INPP5A: variants seen among roughly 807,000 people sequenced by gnomAD.
INPP5A encodes inositol polyphosphate-5-phosphatase A.
In INPP5A, 14 loss-of-function variants were observed where a neutral mutation model predicts 65.2. The observed-to-expected ratio is 0.21, with a 90% CI of 0.14 to 0.34. The LOEUF (loss-of-function observed/expected upper bound fraction) is 0.34, where lower values mean the gene tolerates loss of function less well. Among genes scored for constraint, INPP5A ranks in the 10% least tolerant of loss-of-function variants. The probability of loss-of-function intolerance (pLI) is 1.00; values close to 1 mark genes in which losing one functional copy is unlikely to be tolerated. For synonymous variants in INPP5A, 207 were observed against 208.3 expected (o/e 0.99, Z 0.05); for missense variants, 431 against 545.6 (o/e 0.79, Z 2.09).
chr10:132,644,577 C>T lies in INPP5A; in HGVS notation c.118-1291C>T, dbSNP rs1455870743. On this transcript the variant is annotated intron_variant, in intron 2 of 15. Transcript: ENST00000368594. This position sits in a 1 kb window ranked among gnomAD's most constrained non-coding sequence, Gnocchi z 6.5. ...ACCTGGCTCACAGTGAGTGCCGTGT[C>T]GTCGTGAGCACCTCCAGGCTCCCAA... is the stretch of plus-strand genomic sequence containing the variant. Among the ~76,000 whole-genome samples the T allele has an allele frequency of 6.6e-6, 1 of 152,234 alleles. No homozygotes were observed. The highest frequency in any genetic ancestry group is 1.5e-5 in the Non-Finnish European group (1 of 68,038).
chr10:132,550,647 C>T lies in INPP5A; in HGVS notation c.75+12476C>T, dbSNP rs1052155917. On this transcript the variant is annotated intron_variant, in intron 1 of 15. Coordinates refer to ENST00000368594, the MANE Select transcript of INPP5A (RefSeq NM_005539.5). This position sits in a 1 kb window ranked among gnomAD's most constrained non-coding sequence, Gnocchi z 4.2. ...CTGGCTGGGCTCGCTGGCCACAGGA[C>T]GTCCACTGTAGGACAGCTGGGAGTG... Among the ~76,000 whole-genome samples the T allele has an allele frequency of 7.2e-5, 11 of 152,200 alleles. No homozygotes were observed. The highest frequency in any genetic ancestry group is 5.2e-4 in the Admixed American group (8 of 15,282).
intron 2 of INPP5A, among the ~76,000 whole-genome samples, chr10:132,612,307 T>C (rs1471819104): frequency 6.6e-6 from 1 of 151,798 alleles, no homozygotes; most frequent in African/African-American, 2.4e-5. Context: ...GAGGAGTTCA[T>C]GGGACAGCTC....
chr10:132,563,992 C>T (rs968407430), intron 1 of INPP5A, among the ~76,000 whole-genome samples: 2 of 152,242 alleles, frequency 1.3e-5, no homozygotes, highest in Non-Finnish European at 2.9e-5. Flanking sequence ...GGCCCGGCCG[C>T]GGCTGTGGTC....
intron 2 of INPP5A, among the ~76,000 whole-genome samples, chr10:132,641,420 C>G (rs1479382040): frequency 1.3e-5 from 2 of 152,230 alleles, no homozygotes; most frequent in African/African-American, 4.8e-5. Context: ...TTATATTTCT[C>G]CATACAGCTA....
intron 1 of INPP5A, among the ~76,000 whole-genome samples, chr10:132,596,638 C>G (rs1241754948): frequency 6.6e-6 from 1 of 152,204 alleles, no homozygotes; most frequent in Non-Finnish European, 1.5e-5. Context: ...CTATGTTGGC[C>G]AGGCTGTTCT....
At chr10:132,560,420 AC>A (rs1843310071) in intron 1 of INPP5A, among the ~76,000 whole-genome samples, 1 of 152,166 alleles carries the variant, frequency 6.6e-6, no homozygotes, top group Admixed American at 6.5e-5. Flanking sequence ...ACATCACAGA[AC>A]AGTACTCGTG....
intron 4 of INPP5A, among the ~76,000 whole-genome samples, chr10:132,666,054 CA>C (rs5789135): frequency 5.2e-4 from 71 of 136,138 alleles, no homozygotes; most frequent in South Asian, 4.8e-4. Flanking sequence ...GATCCTGTCT[CA>C]AAAAAAAAAA....
intron 11 of INPP5A, among the ~76,000 whole-genome samples, chr10:132,763,963 C>T (rs959531960): frequency 6.6e-6 from 1 of 152,390 alleles, no homozygotes; most frequent in African/African-American, 2.4e-5. Context: ...GAGGGGCATC[C>T]GTCTCCCGAG....
chr10:132,579,710 C>G (rs1175228273), intron 1 of INPP5A, among the ~76,000 whole-genome samples: 1 of 152,146 alleles, frequency 6.6e-6, no homozygotes, highest in African/African-American at 2.4e-5. Flanking sequence ...AGATGATACT[C>G]TGGTGCTGCC....
intron 8 of INPP5A, among the ~76,000 whole-genome samples, chr10:132,711,570 G>A (rs1845637430): frequency 6.6e-6 from 1 of 152,114 alleles, no homozygotes; most frequent in African/African-American, 2.4e-5. Context: ...CCCCTGACCT[G>A]AGCCCCCGCC....
Position 132,579,995 on chromosome 10 carries a change from G to GC in INPP5A, c.76-27915dup, listed in dbSNP as rs1480177904. ...CACTCCCGATACTGGAGTGGAGTCTGCCCCCGGGTTGTGGCCCACCTTCCT... is the reference window on the plus strand; with the variant it reads ...CACTCCCGATACTGGAGTGGAGTCTGCCCCCCGGGTTGTGGCCCACCTTCCT... On this transcript the variant is annotated intron_variant, in intron 1 of 15. Transcript: ENST00000368594. Among the ~76,000 whole-genome samples, 5 of 149,578 alleles carry GC rather than the reference G, an allele frequency of 3.3e-5. No homozygotes were observed. The South Asian group carries it at 8.5e-4, about 25-fold the overall frequency.
intron 1 of INPP5A, among the ~76,000 whole-genome samples, chr10:132,563,697 G>C (rs1189283341): frequency 6.6e-6 from 1 of 151,924 alleles, no homozygotes; most frequent in Non-Finnish European, 1.5e-5. Flanking sequence ...GGAAAGGAGA[G>C]AAAGGAAAGG....
At chr10:132,718,904 T>G (rs1486300883) in intron 8 of INPP5A, among the ~76,000 whole-genome samples, 1 of 150,368 alleles carries the variant, frequency 6.7e-6, no homozygotes, top group Non-Finnish European at 1.5e-5. Context: ...TCTGGACGCC[T>G]TAGACGGCTG....
rs1386335591 is a variant in INPP5A, at chr10:132,723,554, GC to G, written c.648-3265del. Among the ~76,000 whole-genome samples the G allele has an allele frequency of 7.4e-5, 11 of 148,792 alleles. 1 individual carries two copies. Among genetic ancestry groups the G allele is most frequent in the African/African-American group, 2.8e-4 (11 of 39,910 alleles). ...GTGGGGATTGGCCGTGTGGGGATTG[GC>G]CGTGTGGGGATTGGCCATGTGGGGA... On this transcript the variant is annotated intron_variant, in intron 8 of 15. Transcript: ENST00000368594.
chr10:132,584,244 T>C (rs760589794), intron 1 of INPP5A, among the ~76,000 whole-genome samples: 2 of 152,350 alleles, frequency 1.3e-5, no homozygotes, highest in Non-Finnish European at 2.9e-5. Context: ...CCACCAACCA[T>C]TTGGAAAACA....
rs111359641 is a variant in INPP5A at position 132,642,172 on chromosome 10, C to T, written c.118-3696C>T. Among the ~76,000 whole-genome samples, 489 of 152,312 alleles carry T rather than the reference C, an allele frequency of 3.2e-3. 2 individuals are homozygous for T. Among genetic ancestry groups the T allele is most frequent in the African/African-American group, 0.011 (462 of 41,552 alleles). On this transcript the variant is annotated intron_variant, in intron 2 of 15. Coordinates refer to ENST00000368594, the MANE Select transcript of INPP5A (RefSeq NM_005539.5). Reference sequence around the variant, plus strand: ...CTGGGGACAGCCTGGAGCCCGTCTGCGGTCTGGGGACAGCCTGGAGCCCAT... The same window carrying T: ...CTGGGGACAGCCTGGAGCCCGTCTGTGGTCTGGGGACAGCCTGGAGCCCAT...
chr10:132,710,193 G>A (rs546376574), intron 7 of INPP5A, 144 bp from the exon 8 acceptor site: 1 of 798,078 alleles, frequency 1.3e-6, no homozygotes, highest in Non-Finnish European at 2.0e-6. Context: ...GAAGACAGGT[G>A]GGTGGACAGG....
At chr10:132,580,408 C>T (rs935893085) in intron 1 of INPP5A, among the ~76,000 whole-genome samples, 1 of 152,196 alleles carries the variant, frequency 6.6e-6, no homozygotes, top group African/African-American at 2.4e-5. Flanking sequence ...TCTTCTTCAC[C>T]TTCCGCCATG....
rs1368687515 is a variant in INPP5A at position 132,674,395 on chromosome 10, C to T, written c.307-15997C>T. On this transcript the variant is annotated intron_variant, in intron 4 of 15. Coordinates refer to ENST00000368594, the MANE Select transcript of INPP5A (RefSeq NM_005539.5). The surrounding 1 kb of genome is among the most constrained non-coding windows in gnomAD (Gnocchi z 4.4). ...AAGATTTCCCTTCACCGCTGTCCTT[C>T]AGGAATGTCCTAGAAAGGGGCTGTC... is the stretch of plus-strand genomic sequence containing the variant. 6.6e-6 allele frequency among the ~76,000 whole-genome samples: 1 copy of T among 152,212 alleles called. No homozygotes were observed. The highest frequency in any genetic ancestry group is 2.4e-5 in the African/African-American group (1 of 41,456).
Sources: allele counts gnomAD v4.1 joint callset (sites outside exome capture counted in the v4.1 genomes callset), GRCh38; gene constraint gnomAD v4.1.1; non-coding constraint Gnocchi (gnomAD v3.1); transcripts MANE v1.5; gene names NCBI Gene and HGNC (gene_info 2026-07-23, HGNC 2026-07-21).